ITPRID1: variants seen among roughly 807,000 people sequenced by gnomAD.
ITPRID1 encodes the protein protein ITPRID1.
A neutral mutation model predicts 95.4 loss-of-function variants in ITPRID1; 96 were observed. The ratio of observed to expected loss-of-function variants is 1.01; its 90% CI spans 0.85 to 1.19. The LOEUF (loss-of-function observed/expected upper bound fraction) is 1.19, where lower values mean the gene tolerates loss of function less well. ITPRID1 is among the 50% of genes most tolerant of loss of function. The pLI is 0.00. For synonymous variants in ITPRID1, 510 were observed against 453.6 expected (o/e 1.12, Z -1.58); for missense variants, 1,339 against 1,252.9 (o/e 1.07, Z -1.04).
chr7:31,616,779 G>T (rs534060512), intron 10 of ITPRID1, among the ~76,000 whole-genome samples: 1 of 148,120 alleles, frequency 6.8e-6, no homozygotes, highest in Non-Finnish European at 1.5e-5. Context: ...AAACCAAAAA[G>T]GTTTCTAAAT....
chr7:31,543,357 GA>G (rs777897086), intron 1 of ITPRID1, among the ~76,000 whole-genome samples: 1 of 151,972 alleles, frequency 6.6e-6, no homozygotes, highest in Non-Finnish European at 1.5e-5. Context: ...AGTCGGCTGG[GA>G]AAAAACCTTT....
chr7:31,550,859 T>C, intron 2 of ITPRID1, among the ~76,000 whole-genome samples: 1 of 143,118 alleles, frequency 7.0e-6, no homozygotes, highest in East Asian at 2.2e-4. Flanking sequence ...GACGTACAAA[T>C]AAAGCAGCAC....
rs903707112 is a variant in ITPRID1 at position 31,594,684 on chromosome 7, C to T, written c.1228+11493C>T. On this transcript the variant is annotated intron_variant, in intron 10 of 14. Transcript: ENST00000615280. ...CCAGCCTGGCCAACATGGTGAAACC[C>T]CATCTCTACTAAAAATACAAAAATT... Among the ~76,000 whole-genome samples, 5 of 152,050 alleles carry T rather than the reference C, an allele frequency of 3.3e-5. No homozygotes were observed. In the East Asian group the frequency reaches 5.8e-4, roughly 18 times the overall value.
intron 5 of ITPRID1, among the ~76,000 whole-genome samples, chr7:31,565,690 A>G (rs1007191980): frequency 6.6e-6 from 1 of 152,174 alleles, no homozygotes; most frequent in Admixed American, 6.5e-5. Context: ...GTGAGCTGAG[A>G]TCACACCACT....
At chr7:31,605,011 A>G (rs1442099743) in intron 10 of ITPRID1, among the ~76,000 whole-genome samples, 1 of 151,940 alleles carries the variant, frequency 6.6e-6, no homozygotes, top group African/African-American at 2.4e-5. Context: ...GGTGGCAGGC[A>G]CCTGTAATCC....
intron 7 of ITPRID1, 68 bp from the exon 8 acceptor site, chr7:31,574,472 G>A (rs1261494188): frequency 2.8e-6 from 4 of 1,407,554 alleles, no homozygotes; most frequent in Non-Finnish European, 4.0e-6. Context: ...GGGTGGATGA[G>A]GTGACCAGAA....
At chr7:31,607,415 T>C (rs528249383) in intron 10 of ITPRID1, among the ~76,000 whole-genome samples, 2 of 152,162 alleles carry the variant, frequency 1.3e-5, no homozygotes, top group African/African-American at 2.4e-5. Flanking sequence ...ATTCTGAAAA[T>C]GTTTAATCCA....
intron 1 of ITPRID1, among the ~76,000 whole-genome samples, chr7:31,532,390 T>C (rs1783628086): frequency 6.6e-6 from 1 of 152,212 alleles, no homozygotes; most frequent in Admixed American, 6.5e-5. Context: ...CTGAAAAAGG[T>C]TGAATAGAAA....
At chr7:31,650,250 G>A (rs1208850460) in intron 12 of ITPRID1, among the ~76,000 whole-genome samples, 2 of 152,166 alleles carry the variant, frequency 1.3e-5, no homozygotes, top group Non-Finnish European at 2.9e-5. Context: ...GTTGGCGAAA[G>A]CAAACAGTAA....
intron 1 of ITPRID1, among the ~76,000 whole-genome samples, chr7:31,526,707 C>G (rs1408096797): frequency 6.6e-6 from 1 of 152,098 alleles, no homozygotes; most frequent in Non-Finnish European, 1.5e-5. Flanking sequence ...ATTGCGTCCC[C>G]CGACAGCAAT....
In ITPRID1 at chr7:31,625,168, G is replaced by T. The variant is rs562003344; in HGVS notation, c.1229-17008G>T. Among the ~76,000 whole-genome samples, 285 of 152,232 alleles carry T rather than the reference G, an allele frequency of 1.9e-3. 3 individuals are homozygous for T. The highest frequency in any genetic ancestry group is 6.5e-3 in the African/African-American group (269 of 41,534). On this transcript the variant is annotated intron_variant, in intron 10 of 14. Coordinates refer to ENST00000615280, the MANE Select transcript of ITPRID1 (RefSeq NM_001257967.3). ...GGAGAAATAGGAACACTTTTACATT[G>T]TTGGTGGGACTGTAAACTAGTTCAA...
intron 5 of ITPRID1, among the ~76,000 whole-genome samples, chr7:31,568,854 T>C (rs1291321728): frequency 6.6e-6 from 1 of 152,216 alleles, no homozygotes; most frequent in African/African-American, 2.4e-5. Flanking sequence ...CTGTTGGCAG[T>C]GTGGTGTTAC....
At chr7:31,570,279 G>A (rs1243756256) in intron 6 of ITPRID1, among the ~76,000 whole-genome samples, 1 of 152,184 alleles carries the variant, frequency 6.6e-6, no homozygotes, top group Non-Finnish European at 1.5e-5. Context: ...ACCAGCATTA[G>A]CATTGTGGGG....
chr7:31,570,188 A>G (rs560872665), intron 6 of ITPRID1, among the ~76,000 whole-genome samples: 2 of 152,358 alleles, frequency 1.3e-5, no homozygotes, highest in East Asian at 3.9e-4. Flanking sequence ...AACAATATAT[A>G]CAATTTCCAA....
At chr7:31,630,243 G>GC (rs1788868909) in intron 10 of ITPRID1, among the ~76,000 whole-genome samples, 1 of 5,358 alleles carries the variant, frequency 1.9e-4, no homozygotes, top group African/African-American at 4.8e-4. Flanking sequence ...AGTCTACTTG[G>GC]CAAAAAAAAA....
chr7:31,552,980 GT>G (rs1784331498), intron 2 of ITPRID1, 21 bp from the exon 3 acceptor site: 1 of 1,581,430 alleles, frequency 6.3e-7, no homozygotes, highest in Non-Finnish European at 8.6e-7. Context: ...TGTCTGATTT[GT>G]TTGTGTGTGT....
intron 10 of ITPRID1, among the ~76,000 whole-genome samples, chr7:31,615,675 C>G (rs887308567): frequency 7.3e-6 from 1 of 136,894 alleles, no homozygotes; most frequent in Non-Finnish European, 1.6e-5. Flanking sequence ...TAGACATGAC[C>G]AAGATCATTA....
At chr7:31,639,466 T>A (rs1789806010) in intron 10 of ITPRID1, among the ~76,000 whole-genome samples, 1 of 151,950 alleles carries the variant, frequency 6.6e-6, no homozygotes, top group Non-Finnish European at 1.5e-5. Context: ...ATATATCCAC[T>A]TAACATAGTT....
chr7:31,590,600 G>A (rs1329381908), intron 10 of ITPRID1, among the ~76,000 whole-genome samples: 1 of 152,182 alleles, frequency 6.6e-6, no homozygotes, highest in Non-Finnish European at 1.5e-5. Context: ...TGAATATAAA[G>A]AGCGGACAAG....
Sources: allele counts gnomAD v4.1 joint callset (sites outside exome capture counted in the v4.1 genomes callset), GRCh38; gene constraint gnomAD v4.1.1; transcripts MANE v1.5; gene names NCBI Gene and HGNC (gene_info 2026-07-23, HGNC 2026-07-21).